The following SUPT3H variants were observed in gnomAD, a reference collection of about 807,000 sequenced individuals.
SUPT3H encodes the protein SPT3 homolog, SAGA and STAGA complex component, also known as transcription initiation protein SPT3 homolog.
Under a neutral mutation model 44.3 loss-of-function variants are expected in SUPT3H, and 44 were observed. That is an observed-to-expected ratio of 0.99 (90% CI 0.78 to 1.28). The LOEUF (loss-of-function observed/expected upper bound fraction) is 1.28. SUPT3H is among the 50% of genes most tolerant of loss of function. The probability of loss-of-function intolerance (pLI) is 0.00; values close to 1 mark genes in which losing one functional copy is unlikely to be tolerated. For synonymous variants in SUPT3H, 124 were observed against 125.6 expected (o/e 0.99, Z 0.09); for missense variants, 380 against 387.1 (o/e 0.98, Z 0.15).
At chr6:45,333,818 A>G (rs574716889) in intron 2 of SUPT3H, among the ~76,000 whole-genome samples, 61 of 151,348 alleles carry the variant, frequency 4.0e-4, no homozygotes, top group African/African-American at 1.4e-3. Flanking sequence ...TAATACTCAT[A>G]AATCCAATAT....
chr6:44,975,143 C>G (rs1778142851), intron 6 of SUPT3H, among the ~76,000 whole-genome samples: 1 of 149,180 alleles, frequency 6.7e-6, no homozygotes, highest in South Asian at 2.1e-4. Flanking sequence ...TGCACTCCAG[C>G]CTGGGTGACA....
At chr6:45,129,946 G>A (rs1289117821) in intron 2 of SUPT3H, among the ~76,000 whole-genome samples, 1 of 152,058 alleles carries the variant, frequency 6.6e-6, no homozygotes. Context: ...GTAATGATTG[G>A]TAAAAGCCAC....
At chr6:45,182,329 C>T (rs1276861715) in intron 2 of SUPT3H, among the ~76,000 whole-genome samples, 2 of 152,146 alleles carry the variant, frequency 1.3e-5, no homozygotes, top group Admixed American at 6.5e-5. Context: ...GGCGCAATCT[C>T]GACTCACTGC....
At chr6:45,071,395 C>CT (rs1171216754) in intron 3 of SUPT3H, among the ~76,000 whole-genome samples, 2 of 151,954 alleles carry the variant, frequency 1.3e-5, no homozygotes, top group Non-Finnish European at 2.9e-5. Context: ...ATTTTCCTGT[C>CT]TTTTTTTGCC....
intron 1 of SUPT3H, among the ~76,000 whole-genome samples, chr6:45,369,339 C>T (rs941424180): frequency 6.6e-6 from 1 of 152,126 alleles, no homozygotes; most frequent in African/African-American, 2.4e-5. Flanking sequence ...CTAAGCCCAT[C>T]TCCAAGAAAC....
intron 9 of SUPT3H, among the ~76,000 whole-genome samples, chr6:44,945,848 A>G (rs1773258428): frequency 6.6e-6 from 1 of 152,222 alleles, no homozygotes; most frequent in African/African-American, 2.4e-5. Context: ...TACATGTAAC[A>G]ACAGATTTTC....
At chr6:44,975,762 C>A (rs1778244193) in intron 6 of SUPT3H, among the ~76,000 whole-genome samples, 1 of 151,882 alleles carries the variant, frequency 6.6e-6, no homozygotes, top group Non-Finnish European at 1.5e-5. Flanking sequence ...TGGAAAGAGT[C>A]CTATTAATAA....
At chr6:45,172,340 G>C (rs1054229711) in intron 2 of SUPT3H, among the ~76,000 whole-genome samples, 12 of 152,008 alleles carry the variant, frequency 7.9e-5, no homozygotes, top group African/African-American at 2.9e-4. Context: ...CAAAGTGCTG[G>C]GATTACAGGC....
rs755250552 is a variant in SUPT3H, at chr6:44,961,767, C to T, written c.566G>A (p.Arg189Gln). ...TAGTTACTTACAGAAACTTAATTGT[C>T]GACTTTCACAGAATTCTGCATATTG... ...SAQYAEFCES[R>Q]QLSFSKKASK... is the part of the protein sequence containing the mutation. The change falls in exon 7 of 11, where the codon CGA becomes CAA. Residue 189 changes from arginine (R) to glutamine (Q), a missense_variant. By Grantham distance (43) the Arg-to-Gln change is conservative. Transcript: ENST00000371459. The T allele has an allele frequency of 5.0e-6, 8 of 1,606,756 alleles. No homozygotes were observed. Among genetic ancestry groups the T allele is most frequent in the Middle Eastern group, 1.7e-4 (1 of 6,042 alleles).
intron 10 of SUPT3H, among the ~76,000 whole-genome samples, chr6:44,907,427 G>A (rs1263402472): frequency 3.3e-5 from 5 of 152,054 alleles, no homozygotes; most frequent in Non-Finnish European, 7.4e-5. Flanking sequence ...CTGTAATCCC[G>A]ACACTTTGGG....
intron 2 of SUPT3H, among the ~76,000 whole-genome samples, chr6:45,292,346 A>C (rs1380270012): frequency 1.3e-5 from 2 of 152,166 alleles, no homozygotes; most frequent in African/African-American, 4.8e-5. Flanking sequence ...TTTAAAGCAT[A>C]AATCTCACAG....
intron 6 of SUPT3H, among the ~76,000 whole-genome samples, chr6:44,974,534 G>T (rs1042489699): frequency 4.6e-5 from 7 of 152,116 alleles, no homozygotes; most frequent in Non-Finnish European, 7.4e-5. Context: ...TCCCTTCAAG[G>T]AGTAAGCATT....
rs556692180 is a variant in SUPT3H at position 45,176,679 on chromosome 6, G to C, written c.102-70673C>G. Among the ~76,000 whole-genome samples the C allele has an allele frequency of 9.3e-4, 142 of 152,312 alleles. 1 individual carries two copies. The highest frequency in any genetic ancestry group is 2.7e-3 in the Admixed American group (41 of 15,302). Reference sequence around the variant, plus strand: ...TCTGCAGACTTAAATGTCCCTGTCTGACAGCTTTGAAGAGAGCAGTGGTTC... The same window carrying C: ...TCTGCAGACTTAAATGTCCCTGTCTCACAGCTTTGAAGAGAGCAGTGGTTC... On this transcript the variant is annotated intron_variant, in intron 2 of 10. Coordinates refer to ENST00000371459, the MANE Select transcript of SUPT3H (RefSeq NM_003599.4).
chr6:45,134,342 G>A (rs943920600), intron 2 of SUPT3H, among the ~76,000 whole-genome samples: 1 of 152,162 alleles, frequency 6.6e-6, no homozygotes, highest in African/African-American at 2.4e-5. Context: ...TCGCAATACT[G>A]TTGCATTGGG....
chr6:44,981,053 G>A (rs940838372), intron 6 of SUPT3H, among the ~76,000 whole-genome samples: 2 of 152,156 alleles, frequency 1.3e-5, no homozygotes, highest in African/African-American at 2.4e-5. Flanking sequence ...ATGCTTTGCC[G>A]TTTTGCGTAA....
rs984103777 is a variant in SUPT3H, at chr6:45,184,874, T to C, written c.102-78868A>G. ...AAGGGTGGGCAAACAACAAAAAGCA[T>C]TTTTGGCAGTATCAGCCAATCATCA... On this transcript the variant is annotated intron_variant, in intron 2 of 10. Coordinates refer to ENST00000371459, the MANE Select transcript of SUPT3H (RefSeq NM_003599.4). 1.6e-4 allele frequency among the ~76,000 whole-genome samples: 24 copies of C among 151,380 alleles called. 1 individual carries two copies. Among genetic ancestry groups the C allele is most frequent in the Admixed American group, 1.5e-3 (23 of 15,228 alleles).
chr6:45,130,724 T>G (rs1277063502), intron 2 of SUPT3H, among the ~76,000 whole-genome samples: 2 of 143,544 alleles, frequency 1.4e-5, no homozygotes, highest in Non-Finnish European at 3.1e-5. Context: ...TTTTTTTTTT[T>G]TTTTTTTTTT....
chr6:45,307,303 AACAG>A (rs1351860173), intron 2 of SUPT3H, among the ~76,000 whole-genome samples: 2 of 152,182 alleles, frequency 1.3e-5, no homozygotes, highest in South Asian at 2.1e-4. Flanking sequence ...GAGGTCTGAG[AACAG>A]ACAGACTGCC....
chr6:45,329,213 A>C (rs1786962385), intron 2 of SUPT3H, among the ~76,000 whole-genome samples: 1 of 151,984 alleles, frequency 6.6e-6, no homozygotes, highest in African/African-American at 2.4e-5. Context: ...AAAATAACAG[A>C]CCACAGAATT....
Sources: gnomAD v4.1 joint callset for allele counts (sites outside exome capture counted in the v4.1 genomes callset) on GRCh38, gnomAD v4.1.1 for gene constraint, MANE v1.5 for transcripts, NCBI Gene and HGNC (gene_info 2026-07-23, HGNC 2026-07-21) for gene names.